The following PCDHA5 variants were observed in gnomAD, a reference collection of about 807,000 sequenced individuals.
PCDHA5 encodes the protein protocadherin alpha-5.
In PCDHA5, 43 loss-of-function variants were observed where a neutral mutation model predicts 61.6. That is an observed-to-expected ratio of 0.70 (90% confidence interval 0.55 to 0.90). PCDHA5 has a LOEUF of 0.90. Ranked by LOEUF, PCDHA5 falls within the 40% of genes least tolerant of loss-of-function variation. The pLI is 0.00. For missense variants in PCDHA5, 1,298 were observed against 1,222.7 expected (o/e 1.06, Z -0.92); for synonymous variants, 627 against 543.9 (o/e 1.15, Z -2.13).
At chr5:140,947,755 G>T (rs1415482913) in intron 1 of PCDHA5, among the ~76,000 whole-genome samples, 1 of 151,450 alleles carries the variant, frequency 6.6e-6, no homozygotes, top group Non-Finnish European at 1.5e-5. Flanking sequence ...GTATTTTATG[G>T]TTTAAAAAAT....
intron 3 of PCDHA5, among the ~76,000 whole-genome samples, chr5:140,984,430 A>T (rs1236503699): frequency 6.6e-6 from 1 of 152,080 alleles, no homozygotes; most frequent in East Asian, 1.9e-4. Flanking sequence ...AGAGAAGGGG[A>T]TCTCCCTTGT....
intron 1 of PCDHA5, among the ~76,000 whole-genome samples, chr5:140,900,156 T>G (rs1219079675): frequency 3.3e-5 from 5 of 152,180 alleles, no homozygotes; most frequent in African/African-American, 1.2e-4. Flanking sequence ...CATACGATAT[T>G]TGTCTTTCTG....
At chr5:140,852,715 C>T in intron 1 of PCDHA5, 1 of 981,378 alleles carries the variant, frequency 1.0e-6, no homozygotes, top group Non-Finnish European at 1.2e-6. Context: ...TTTGTCTTTG[C>T]ACGTTTTTCA....
At position 140,851,173 on chromosome 5, in the gene PCDHA5, A is replaced by C. The variant is rs1392883501; in HGVS notation, c.2352+27046A>C. Reference sequence around the variant, plus strand: ...ATTTCTGATGCTATGCTGCCATAACACTTGAAAACCAATTTAGTTGTTAGT... The same window carrying C: ...ATTTCTGATGCTATGCTGCCATAACCCTTGAAAACCAATTTAGTTGTTAGT... On this transcript the variant is annotated intron_variant, in intron 1 of 3. Coordinates refer to ENST00000529859, the MANE Select transcript of PCDHA5 (RefSeq NM_018908.3). The C allele has an allele frequency of 5.1e-5, 64 of 1,267,254 alleles. 8 individuals carry two copies. The highest frequency in any genetic ancestry group is 6.0e-5 in the Non-Finnish European group (59 of 985,446). 78.5% of individuals were successfully genotyped at this position (1,267,254 alleles called of 1,614,324 possible).
intron 1 of PCDHA5, among the ~76,000 whole-genome samples, chr5:140,944,014 C>A (rs1205860914): frequency 1.3e-5 from 2 of 152,022 alleles, no homozygotes; most frequent in African/African-American, 2.4e-5. Context: ...CCCCCAAAAG[C>A]AATTATCTTC....
intron 1 of PCDHA5, among the ~76,000 whole-genome samples, chr5:140,961,220 G>T (rs2095597952): frequency 6.6e-6 from 1 of 152,032 alleles, no homozygotes; most frequent in Non-Finnish European, 1.5e-5. Flanking sequence ...GAAGAAACTG[G>T]GTCCCAAAAA....
Position 140,836,337 on chromosome 5 carries a change from A to G in PCDHA5, c.2352+12210A>G, listed in dbSNP as rs143048298. On this transcript the variant is annotated intron_variant, in intron 1 of 3. Transcript: ENST00000529859. ...GCGCCACCGCCTTCTGGTGCTTGTG[A>G]AGGACCACGGGGAGCCCTCGCTGAC... 1,176 of 1,613,648 alleles carry G rather than the reference A, an allele frequency of 7.3e-4. 14 individuals carry two copies. Among genetic ancestry groups the G allele is most frequent in the Non-Finnish European group, 9.2e-4 (1,082 of 1,179,806 alleles).
At chr5:140,848,673 G>A (rs2150416689) in intron 1 of PCDHA5, 2 of 1,592,332 alleles carry the variant, frequency 1.3e-6, no homozygotes, top group Non-Finnish European at 1.7e-6. Context: ...GGCGGAGCTG[G>A]TGCCGCGCCT....
intron 2 of PCDHA5, 91 bp from the exon 3 acceptor site, chr5:140,982,384 C>T (rs1245752901): frequency 6.3e-7 from 1 of 1,584,990 alleles, no homozygotes; most frequent in African/African-American, 1.3e-5. Context: ...GCAGCCCTGG[C>T]TTCATAGTTG....
chr5:140,824,420 T>G (rs1192549493), intron 1 of PCDHA5: 6 of 510,762 alleles, frequency 1.2e-5, no homozygotes, highest in Non-Finnish European at 2.0e-5. Flanking sequence ...TAGTTTGGAG[T>G]CATTCTCAAA....
chr5:140,835,509 G>A, intron 1 of PCDHA5: 1 of 1,613,944 alleles, frequency 6.2e-7, no homozygotes, highest in Non-Finnish European at 8.5e-7. Context: ...TAGCGTGTTT[G>A]ACCGAGATTT....
chr5:140,854,108 AC>A lies in PCDHA5; in HGVS notation c.2352+29982del, dbSNP rs1233972098. The A allele has an allele frequency of 1.0e-4, 31 of 299,428 alleles. 3 individuals are homozygous for A. Among genetic ancestry groups the A allele is most frequent in the Non-Finnish European group, 1.4e-4 (30 of 208,480 alleles). The allele number at this position is 299,428 out of a possible 1,614,324, so 18.5% of individuals were successfully genotyped here. A position where few individuals can be genotyped will look rare whatever the true frequency, so the allele number is the denominator to read the frequency against. On this transcript the variant is annotated intron_variant, in intron 1 of 3. Transcript: ENST00000529859. ...GCCTGGGACATTGAGGCTGCAGTGA[AC>A]TGTGATGGCACAACTGCATTTCAGC...
intron 3 of PCDHA5, among the ~76,000 whole-genome samples, chr5:140,992,572 G>T (rs1441448703): frequency 2.0e-5 from 3 of 152,148 alleles, no homozygotes; most frequent in Non-Finnish European, 4.4e-5. Flanking sequence ...AACACATATT[G>T]CCTGCCTTGT....
At chr5:141,008,352 A>C (rs549122044) in intron 3 of PCDHA5, among the ~76,000 whole-genome samples, 2 of 152,322 alleles carry the variant, frequency 1.3e-5, no homozygotes, top group South Asian at 4.1e-4. Flanking sequence ...TTCACGTGTC[A>C]ACCAAAGGAG....
chr5:140,845,374 T>C (rs1368895191), intron 1 of PCDHA5, among the ~76,000 whole-genome samples: 1 of 149,664 alleles, frequency 6.7e-6, no homozygotes, highest in Non-Finnish European at 1.5e-5. Flanking sequence ...ATATCATAAA[T>C]AGGAGGATTC....
At chr5:140,981,812 A>C (rs1563492177) in intron 2 of PCDHA5, among the ~76,000 whole-genome samples, 1 of 152,052 alleles carries the variant, frequency 6.6e-6, no homozygotes, top group African/African-American at 2.4e-5. Context: ...TTTATGTTCT[A>C]TCTCTGCTTG....
chr5:140,823,937 G>T lies in PCDHA5; in HGVS notation c.2162G>T (p.Arg721Leu), dbSNP rs2150130560. 6.2e-7 allele frequency: 1 copy of T among 1,613,788 alleles called. No individual in the cohort carries two copies. Among genetic ancestry groups the T allele is most frequent in the African/African-American group, 1.3e-5 (1 of 74,900 alleles). Reference protein sequence around the residue: ...VLTLLLYTALRCSAQPTEAVC... With the variant: ...VLTLLLYTALLCSAQPTEAVC... Reference sequence around the variant, plus strand: ...ACGCTGCTGCTGTACACCGCGCTGCGGTGCTCGGCGCAGCCCACCGAGGCC... The same window carrying T: ...ACGCTGCTGCTGTACACCGCGCTGCTGTGCTCGGCGCAGCCCACCGAGGCC... The change falls in exon 1 of 4, where the codon CGG becomes CTG. Residue 721 changes from arginine (R) to leucine (L), a missense_variant. Physicochemically the swap from Arg to Leu is moderately radical, Grantham distance 102. Transcript: ENST00000529859.
At chr5:140,851,222 T>A in intron 1 of PCDHA5, 1 of 1,140,378 alleles carries the variant, frequency 8.8e-7, no homozygotes, top group Non-Finnish European at 1.1e-6. Context: ...TTAACATCAC[T>A]ATCATTTATT....
Position 140,877,000 on chromosome 5 carries a change from G to A in PCDHA5, c.2352+52873G>A, listed in dbSNP as rs191376557. The stretch of plus-strand genomic sequence containing the variant: ...GCACGCACTGTCGAGCTACGTGTCG[G>A]TGCACGCGGAGAGCGGCAAGGTGTA... On this transcript the variant is annotated intron_variant, in intron 1 of 3. Transcript: ENST00000529859. 1.7e-3 allele frequency: 2,818 copies of A among 1,612,598 alleles called. 5 individuals carry two copies. The highest frequency in any genetic ancestry group is 1.8e-3 in the Non-Finnish European group (2,166 of 1,179,806).
Sources: gnomAD v4.1 joint callset for allele counts (sites outside exome capture counted in the v4.1 genomes callset) on GRCh38, gnomAD v4.1.1 for gene constraint, MANE v1.5 for transcripts, NCBI Gene and HGNC (gene_info 2026-07-23, HGNC 2026-07-21) for gene names.